CSGALNACT1: variants seen among roughly 807,000 people sequenced by gnomAD.
CSGALNACT1 encodes the protein chondroitin sulfate N-acetylgalactosaminyltransferase 1.
A neutral mutation model predicts 51.0 loss-of-function variants in CSGALNACT1; 52 were observed. The observed-to-expected ratio is 1.02, with a 90% CI of 0.82 to 1.29. CSGALNACT1 has a LOEUF of 1.29. Ranked by LOEUF, CSGALNACT1 falls within the 50% of genes most tolerant of loss-of-function variation. The probability of loss-of-function intolerance (pLI) is 0.00; values close to 1 mark genes in which losing one functional copy is unlikely to be tolerated. For missense variants in CSGALNACT1, 935 were observed against 679.2 expected (o/e 1.38, Z -4.19); for synonymous variants, 341 against 254.4 (o/e 1.34, Z -3.24).
At chr8:19,687,020 C>T (rs1223577955), upstream of CSGALNACT1, among the ~76,000 whole-genome samples, 1 of 152,146 alleles carries the variant, frequency 6.6e-6, no homozygotes, top group East Asian at 1.9e-4. Flanking sequence ...ACACAAGCAA[C>T]AAAGATCTGT....
intron 1 of CSGALNACT1, among the ~76,000 whole-genome samples, chr8:19,667,864 A>G (rs1311230130): frequency 1.3e-5 from 2 of 152,240 alleles, no homozygotes; most frequent in African/African-American, 2.4e-5. Context: ...GATAAAGCAT[A>G]TAAAAAAGTA....
chr8:19,505,880 C>T (rs373804749), exon 4 of CSGALNACT1: 3 of 1,601,620 alleles, frequency 1.9e-6, no homozygotes, highest in African/African-American at 1.3e-5. Flanking sequence ...CCCTCAAAGC[C>T]GGGGCCCCCA....
At chr8:19,660,137 A>T (rs2058635621) in intron 1 of CSGALNACT1, among the ~76,000 whole-genome samples, 1 of 152,202 alleles carries the variant, frequency 6.6e-6, no homozygotes, top group Non-Finnish European at 1.5e-5. Context: ...GGGGCTTCAG[A>T]GTTCACATTC....
chr8:19,718,884 C>T (rs1334245857), intron 1 of CSGALNACT1, among the ~76,000 whole-genome samples: 1 of 152,196 alleles, frequency 6.6e-6, no homozygotes, highest in Non-Finnish European at 1.5e-5. Context: ...ATTCCTGTAA[C>T]CCAAATTCCC....
intron 1 of CSGALNACT1, among the ~76,000 whole-genome samples, chr8:19,671,640 A>G (rs1203196818): frequency 1.3e-5 from 2 of 152,214 alleles, no homozygotes; most frequent in Non-Finnish European, 2.9e-5. Flanking sequence ...GAGAAACACA[A>G]AAGTCATTGA....
intron 4 of CSGALNACT1, among the ~76,000 whole-genome samples, chr8:19,502,409 C>T (rs776394981): frequency 3.3e-5 from 5 of 152,202 alleles, no homozygotes; most frequent in African/African-American, 4.8e-5. Flanking sequence ...CTCAAGCTTG[C>T]GTGATCATGC....
intron 1 of CSGALNACT1, among the ~76,000 whole-genome samples, chr8:19,613,569 G>A (rs575760467): frequency 1.5e-4 from 23 of 152,232 alleles, no homozygotes; most frequent in African/African-American, 3.6e-4. Flanking sequence ...CTTTCAGCTC[G>A]TTGTTTCCAC....
At chr8:19,704,494 G>A (rs948912084) in intron 1 of CSGALNACT1, among the ~76,000 whole-genome samples, 4 of 152,170 alleles carry the variant, frequency 2.6e-5, no homozygotes, top group Admixed American at 6.5e-5. Context: ...AATTGGTATA[G>A]CCATTATGGA....
At chr8:19,612,658 A>G (rs1395343150) in intron 1 of CSGALNACT1, among the ~76,000 whole-genome samples, 1 of 152,050 alleles carries the variant, frequency 6.6e-6, no homozygotes, top group East Asian at 1.9e-4. Context: ...CCAGAAGCTC[A>G]TTCCATTCTC....
At chr8:19,574,077 C>T (rs2043618422) in intron 3 of CSGALNACT1, among the ~76,000 whole-genome samples, 1 of 152,172 alleles carries the variant, frequency 6.6e-6, no homozygotes, top group African/African-American at 2.4e-5. Flanking sequence ...CACCATGATG[C>T]CTGGCTGGTT....
chr8:19,516,697 A>C (rs1454747049), intron 3 of CSGALNACT1, among the ~76,000 whole-genome samples: 3 of 152,336 alleles, frequency 2.0e-5, no homozygotes, highest in African/African-American at 7.2e-5. Context: ...TGATTCCACC[A>C]GACCCTCCAG....
intron 5 of CSGALNACT1, among the ~76,000 whole-genome samples, chr8:19,440,783 T>C (rs1349598827): frequency 6.6e-6 from 1 of 151,998 alleles, no homozygotes. Context: ...AAATTGTCCC[T>C]GTTTGCAGAT....
chr8:19,462,231 C>G (rs145931387), intron 4 of CSGALNACT1, among the ~76,000 whole-genome samples: 1 of 152,232 alleles, frequency 6.6e-6, no homozygotes, highest in African/African-American at 2.4e-5. Flanking sequence ...GACTGCATCT[C>G]GTTGAGTTTC....
At chr8:19,479,438 G>T (rs1260820370) in intron 4 of CSGALNACT1, among the ~76,000 whole-genome samples, 1 of 152,160 alleles carries the variant, frequency 6.6e-6, no homozygotes, top group Non-Finnish European at 1.5e-5. Flanking sequence ...TTTTATCAGT[G>T]TTAATAATTT....
chr8:19,428,855 G>A (rs1428832656), intron 6 of CSGALNACT1, among the ~76,000 whole-genome samples: 5 of 151,272 alleles, frequency 3.3e-5, no homozygotes, highest in African/African-American at 1.2e-4. Flanking sequence ...GTGTGTGTGT[G>A]TGTGTGTGTG....
chr8:19,559,345 T>C (rs1304514284), intron 3 of CSGALNACT1, among the ~76,000 whole-genome samples: 1 of 152,202 alleles, frequency 6.6e-6, no homozygotes, highest in Non-Finnish European at 1.5e-5. Flanking sequence ...CATTAGATTA[T>C]CTACCATACA....
intron 1 of CSGALNACT1, among the ~76,000 whole-genome samples, chr8:19,705,977 A>T (rs2062139126): frequency 6.6e-6 from 1 of 151,994 alleles, no homozygotes; most frequent in African/African-American, 2.4e-5. Flanking sequence ...GAATCCCCGA[A>T]CCTCCCCTCC....
intron 1 of CSGALNACT1, among the ~76,000 whole-genome samples, chr8:19,642,576 G>A (rs907031029): frequency 1.3e-5 from 2 of 152,066 alleles, no homozygotes; most frequent in Non-Finnish European, 2.9e-5. Flanking sequence ...TTTGAGACCA[G>A]CCTGGGCAAA....
chr8:19,574,171 C>T (rs2043639228), intron 3 of CSGALNACT1, among the ~76,000 whole-genome samples: 1 of 152,136 alleles, frequency 6.6e-6, no homozygotes, highest in African/African-American at 2.4e-5. Flanking sequence ...CCCTGGCCTC[C>T]CAAACTATTG....
Sources: gnomAD v4.1 joint callset for allele counts (sites outside exome capture counted in the v4.1 genomes callset) on GRCh38, gnomAD v4.1.1 for gene constraint, MANE v1.5 for transcripts, NCBI Gene and HGNC (gene_info 2026-07-23, HGNC 2026-07-21) for gene names.